The following GBE1 variants were observed in gnomAD, a reference collection of about 807,000 sequenced individuals.
GBE1 encodes 1,4-alpha-glucan branching enzyme 1.
In GBE1, 70 loss-of-function variants were observed where a neutral mutation model predicts 88.8. That is an observed-to-expected ratio of 0.79 (90% CI 0.65 to 0.96). The LOEUF is 0.96. GBE1 is among the 40% of genes least tolerant of loss of function. The pLI, the probability that GBE1 is intolerant of heterozygous loss-of-function variation, is 0.00. For synonymous variants in GBE1, 284 were observed against 300.1 expected (o/e 0.95, Z 0.56); for missense variants, 872 against 871.0 (o/e 1.00, Z -0.01).
intron 1 of GBE1, among the ~76,000 whole-genome samples, chr3:81,711,515 T>C (rs924905124): frequency 6.6e-5 from 10 of 152,152 alleles, no homozygotes; most frequent in Admixed American, 4.6e-4. Context: ...TGTAGATGTG[T>C]AGTATTATTT....
At chr3:81,691,673 GGAAGCTGAGGC>G (rs1324241644) in intron 2 of GBE1, among the ~76,000 whole-genome samples, 2 of 152,054 alleles carry the variant, frequency 1.3e-5, no homozygotes. Context: ...CAGCTACTCT[GGAAGCTGAGGC>G]AGAAGAACTG....
At chr3:81,692,947 C>T (rs1705542621) in intron 2 of GBE1, among the ~76,000 whole-genome samples, 1 of 152,146 alleles carries the variant, frequency 6.6e-6, no homozygotes, top group African/African-American at 2.4e-5. Flanking sequence ...CATTATCTCT[C>T]TCATGGGAAT....
chr3:81,733,827 T>C lies in GBE1; in HGVS notation c.143+27548A>G, dbSNP rs1706219788. 6.6e-6 allele frequency among the ~76,000 whole-genome samples: 1 copy of C among 152,190 alleles called. No homozygotes were observed. Among genetic ancestry groups the C allele is most frequent in the South Asian group, 2.1e-4 (1 of 4,836 alleles). On this transcript the variant is annotated intron_variant, in intron 1 of 15. Transcript: ENST00000429644. This position sits in a 1 kb window ranked among gnomAD's most constrained non-coding sequence, Gnocchi z 4.0. The stretch of plus-strand genomic sequence containing the variant: ...CCTCAAATGTATGAGCTTTATAGTC[T>C]CCTTGTTCACACCTATATTCCAATT...
intron 3 of GBE1, chr3:81,650,304 A>G (rs1329191490): frequency 5.7e-6 from 1 of 176,494 alleles, no homozygotes; most frequent in Non-Finnish European, 1.2e-5. Context: ...GCAATTAGTG[A>G]GTTATATAAC....
intron 1 of GBE1, among the ~76,000 whole-genome samples, chr3:81,711,183 T>A (rs1350501736): frequency 6.6e-6 from 1 of 152,112 alleles, no homozygotes; most frequent in Non-Finnish European, 1.5e-5. Context: ...GAGTATAGAA[T>A]CCATTCTCAA....
intron 14 of GBE1, among the ~76,000 whole-genome samples, chr3:81,508,182 A>G (rs543798834): frequency 1.3e-5 from 2 of 152,340 alleles, no homozygotes; most frequent in African/African-American, 2.4e-5. Context: ...CTATTTCTCT[A>G]TGTAAATAGG....
At chr3:81,667,319 T>A (rs1576192306) in intron 3 of GBE1, among the ~76,000 whole-genome samples, 1 of 152,214 alleles carries the variant, frequency 6.6e-6, no homozygotes. Context: ...CCACTGAAGT[T>A]GCTTATCAGC....
At chr3:81,732,805 C>T (rs752096424) in intron 1 of GBE1, among the ~76,000 whole-genome samples, 22 of 152,110 alleles carry the variant, frequency 1.4e-4, no homozygotes, top group Non-Finnish European at 2.1e-4. Flanking sequence ...CTTCTCAAAA[C>T]GCTTCAGTGG....
intron 7 of GBE1, among the ~76,000 whole-genome samples, chr3:81,614,925 A>G (rs985657199): frequency 7.2e-5 from 11 of 152,004 alleles, no homozygotes; most frequent in African/African-American, 2.7e-4. Context: ...GCTACTTGGG[A>G]GGCTGAGGTG....
At chr3:81,591,517 A>C (rs1559655263) in intron 8 of GBE1, among the ~76,000 whole-genome samples, 1 of 152,184 alleles carries the variant, frequency 6.6e-6, no homozygotes. Flanking sequence ...TAAGATGTTA[A>C]TGTTAGTTTG....
chr3:81,589,453 G>A (rs181542702), intron 9 of GBE1, among the ~76,000 whole-genome samples: 55 of 151,054 alleles, frequency 3.6e-4, no homozygotes, highest in African/African-American at 1.2e-3. Context: ...GAAAAGTGAC[G>A]TATTGAAATT....
At chr3:81,726,876 G>A (rs1046505951) in intron 1 of GBE1, among the ~76,000 whole-genome samples, 11 of 152,070 alleles carry the variant, frequency 7.2e-5, no homozygotes, top group Admixed American at 5.2e-4. Context: ...CACCGTGCCC[G>A]GCTGATATTG....
chr3:81,670,123 T>G lies in GBE1; in HGVS notation c.429+715A>C, dbSNP rs3772905. ...TAAGTGTGAAAAGATTTAGATCGCT[T>G]CTCTTATAATCAAATGCCTTAAATC... On this transcript the variant is annotated intron_variant, in intron 3 of 15. Coordinates refer to ENST00000429644, the MANE Select transcript of GBE1 (RefSeq NM_000158.4). 8.9e-4 allele frequency among the ~76,000 whole-genome samples: 135 copies of G among 152,304 alleles called. 1 individual carries two copies. The East Asian group carries it at 0.025, about 28-fold the overall frequency.
intron 7 of GBE1, among the ~76,000 whole-genome samples, chr3:81,632,883 C>T (rs1007628307): frequency 2.6e-5 from 4 of 152,218 alleles, no homozygotes; most frequent in South Asian, 2.1e-4. Context: ...TGCTGCTGCA[C>T]GTAAATGGCC....
At chr3:81,593,757 A>G in intron 8 of GBE1, 151 bp downstream of exon 8, 1 of 560,822 alleles carries the variant, frequency 1.8e-6, no homozygotes. Context: ...TTACTTATAA[A>G]ATGTACTTAT....
chr3:81,605,091 A>G (rs1704086580), intron 7 of GBE1, among the ~76,000 whole-genome samples: 1 of 152,146 alleles, frequency 6.6e-6, no homozygotes, highest in South Asian at 2.1e-4. Context: ...GCTTATGATT[A>G]AATATTGAAA....
chr3:81,695,499 G>T (rs1323345762), intron 2 of GBE1, among the ~76,000 whole-genome samples: 1 of 152,164 alleles, frequency 6.6e-6, no homozygotes, highest in Non-Finnish European at 1.5e-5. Flanking sequence ...AAGAAGAGGG[G>T]AATTAGAACT....
intron 1 of GBE1, 108 bp downstream of exon 1, chr3:81,761,267 C>A: frequency 1.4e-6 from 2 of 1,422,328 alleles, no homozygotes; most frequent in South Asian, 2.7e-5. Context: ...TTCCTCCCCG[C>A]CTGGGGCGGG....
In GBE1 at chr3:81,676,064, G is replaced by T. The variant is rs188618099; in HGVS notation, c.314-5111C>A. Among the ~76,000 whole-genome samples, 3 of 151,898 alleles carry T rather than the reference G, an allele frequency of 2.0e-5. No homozygotes were observed. The East Asian group carries it at 5.8e-4, about 29-fold the overall frequency. On this transcript the variant is annotated intron_variant, in intron 2 of 15. Coordinates refer to ENST00000429644, the MANE Select transcript of GBE1 (RefSeq NM_000158.4). ...TCTTAATAACATTTTCTTTTCTCTA[G>T]CTTACTTAGTTGTAAGAACACAGTA...
Sources: allele counts gnomAD v4.1 joint callset (sites outside exome capture counted in the v4.1 genomes callset), GRCh38; gene constraint gnomAD v4.1.1; non-coding constraint Gnocchi (gnomAD v3.1); transcripts MANE v1.5; gene names NCBI Gene and HGNC (gene_info 2026-07-23, HGNC 2026-07-21).